Variants in SLC16A2 observed in about 807,000 individuals in gnomAD.
SLC16A2 encodes the protein solute carrier family 16 member 2.
In SLC16A2, 3 loss-of-function variants were observed where a neutral mutation model predicts 27.2. The ratio of observed to expected loss-of-function variants is 0.11; its 90% CI spans 0.05 to 0.28. The LOEUF (loss-of-function observed/expected upper bound fraction) is 0.28. SLC16A2 is among the 10% of genes least tolerant of loss of function. The pLI is 1.00. For missense variants in SLC16A2, 295 were observed against 458.5 expected (o/e 0.64, Z 3.26); for synonymous variants, 202 against 187.8 (o/e 1.08, Z -0.62).
chrX:74,504,882 C>G (rs181723008), intron 1 of SLC16A2, among the ~76,000 whole-genome samples: 1 of 111,444 alleles, frequency 9.0e-6, no homozygotes, highest in Non-Finnish European at 1.9e-5. Context: ...CCCAGCCACA[C>G]GGGAGGCTGA....
At chrX:74,497,527 C>T (rs559482983) in intron 1 of SLC16A2, among the ~76,000 whole-genome samples, 5 of 108,584 alleles carry the variant, frequency 4.6e-5, no homozygotes, top group South Asian at 4.1e-4. Flanking sequence ...GTTTTGGGGT[C>T]GGTACCCCAA....
At chrX:74,456,451 A>G (rs496549) in intron 1 of SLC16A2, among the ~76,000 whole-genome samples, 48,583 of 110,193 alleles carry the variant, frequency 0.44, 8,597 homozygotes, top group East Asian at 0.96. Flanking sequence ...GGATGCTGCT[A>G]CAGACACACT....
At chrX:74,428,113 GTA>G (rs1251468472) in intron 1 of SLC16A2, among the ~76,000 whole-genome samples, 1 of 89,464 alleles carries the variant, frequency 1.1e-5, no homozygotes, top group Non-Finnish European at 2.2e-5. Context: ...TCATCCTCCT[GTA>G]TCTCTCCCAG....
intron 1 of SLC16A2, among the ~76,000 whole-genome samples, chrX:74,460,160 G>A (rs1438539985): frequency 8.9e-6 from 1 of 112,018 alleles, no homozygotes; most frequent in Admixed American, 9.5e-5. Context: ...TTCCAACTAC[G>A]GGGAGCATAA....
At chrX:74,492,393 G>A (rs1331290918) in intron 1 of SLC16A2, among the ~76,000 whole-genome samples, 1 of 111,029 alleles carries the variant, frequency 9.0e-6, no homozygotes, top group African/African-American at 3.3e-5. Context: ...TGTCATCACC[G>A]AGGTTATCTA....
chrX:74,484,438 T>C (rs1929679705), intron 1 of SLC16A2, among the ~76,000 whole-genome samples: 1 of 112,229 alleles, frequency 8.9e-6, no homozygotes, highest in Non-Finnish European at 1.9e-5. Flanking sequence ...AGATAAAGGA[T>C]TGTGGAGACC....
intron 1 of SLC16A2, among the ~76,000 whole-genome samples, chrX:74,443,897 T>G (rs896272161): frequency 1.8e-5 from 2 of 111,597 alleles, no homozygotes; most frequent in Non-Finnish European, 1.9e-5. Context: ...AAGCTGCTGA[T>G]GGATTTTCTA....
intron 1 of SLC16A2, among the ~76,000 whole-genome samples, chrX:74,510,419 C>T (rs1354738057): frequency 8.9e-6 from 1 of 112,026 alleles, no homozygotes; most frequent in Non-Finnish European, 1.9e-5. Flanking sequence ...CTGTAATCTG[C>T]CTTAGCTACT....
At chrX:74,422,217 T>A in intron 1 of SLC16A2, 150 bp downstream of exon 1, 1 of 597,067 alleles carries the variant, frequency 1.7e-6, no homozygotes, top group Non-Finnish European at 2.7e-6. Flanking sequence ...CTTGCCCCTT[T>A]CCATGGCTCT....
At chrX:74,504,964 C>G (rs932132240) in intron 1 of SLC16A2, among the ~76,000 whole-genome samples, 1 of 111,400 alleles carries the variant, frequency 9.0e-6, no homozygotes, top group South Asian at 3.8e-4. Context: ...CACTCCAACC[C>G]GGGTGACAGA....
intron 1 of SLC16A2, among the ~76,000 whole-genome samples, chrX:74,506,694 G>C (rs1930134512): frequency 9.0e-6 from 1 of 110,498 alleles, no homozygotes; most frequent in Admixed American, 9.7e-5. Flanking sequence ...CCCCAGGGGA[G>C]AGACTCAGAA....
chrX:74,469,512 T>C (rs1480241364), intron 1 of SLC16A2, among the ~76,000 whole-genome samples: 1 of 112,101 alleles, frequency 8.9e-6, no homozygotes, highest in African/African-American at 3.2e-5. Context: ...TTTTTATAGC[T>C]ATTCTAGTGG....
intron 1 of SLC16A2, among the ~76,000 whole-genome samples, chrX:74,492,713 C>T (rs1295739038): frequency 2.7e-5 from 3 of 111,564 alleles, no homozygotes; most frequent in Non-Finnish European, 5.7e-5. Flanking sequence ...AGTCTTTATA[C>T]TGAGTACCTG....
At chrX:74,508,808 G>T (rs942748139) in intron 1 of SLC16A2, among the ~76,000 whole-genome samples, 3 of 111,238 alleles carry the variant, frequency 2.7e-5, no homozygotes, top group Non-Finnish European at 5.7e-5. Flanking sequence ...TATCACCCAG[G>T]TATTAAGCCC....
intron 1 of SLC16A2, among the ~76,000 whole-genome samples, chrX:74,516,933 T>C (rs765090710): frequency 8.9e-6 from 1 of 111,952 alleles, no homozygotes; most frequent in Non-Finnish European, 1.9e-5. Flanking sequence ...AAAAAGTCAA[T>C]TTCAAAAGGC....
intron 1 of SLC16A2, among the ~76,000 whole-genome samples, chrX:74,511,953 T>C (rs1445397311): frequency 8.9e-6 from 1 of 111,798 alleles, no homozygotes; most frequent in Non-Finnish European, 1.9e-5. Context: ...GTTATCTCAG[T>C]CCCCAAAGAA....
chrX:74,434,428 C>T (rs761879641), intron 1 of SLC16A2, among the ~76,000 whole-genome samples: 22 of 111,558 alleles, frequency 2.0e-4, no homozygotes, highest in Admixed American at 1.5e-3. Context: ...GGGTCTTTGC[C>T]CTCTGGCAGC....
chrX:74,484,844 G>A (rs1929686287), intron 1 of SLC16A2, among the ~76,000 whole-genome samples: 1 of 112,098 alleles, frequency 8.9e-6, no homozygotes, highest in African/African-American at 3.2e-5. Context: ...AGGGCCTTAA[G>A]AGTCAAAAGA....
intron 1 of SLC16A2, among the ~76,000 whole-genome samples, chrX:74,423,933 G>C (rs752569132): frequency 6.3e-5 from 7 of 111,554 alleles, no homozygotes; most frequent in African/African-American, 2.3e-4. Context: ...GAGGCCTAGA[G>C]CTGTGATCTT....
Sources: gnomAD v4.1 joint callset for allele counts (sites outside exome capture counted in the v4.1 genomes callset) on GRCh38, gnomAD v4.1.1 for gene constraint, MANE v1.5 for transcripts, NCBI Gene and HGNC (gene_info 2026-07-23, HGNC 2026-07-21) for gene names.